Variants in WIPF3 observed in about 807,000 individuals in gnomAD.
WIPF3 encodes WAS/WASL interacting protein family member 3, also known as WAS/WASL-interacting protein family member 3.
Under a neutral mutation model 38.9 loss-of-function variants are expected in WIPF3, and 33 were observed. The observed-to-expected ratio is 0.85, with a 90% CI of 0.64 to 1.14. WIPF3 has a LOEUF of 1.14. Ranked by LOEUF, WIPF3 falls within the 50% of genes most tolerant of loss-of-function variation. WIPF3 has a pLI of 0.00. For missense variants in WIPF3, 711 were observed against 652.5 expected, an observed-to-expected ratio of 1.09 and a Z score of -0.98; for synonymous variants, 324 against 269.3, an observed-to-expected ratio of 1.20 and a Z score of -1.99.
At chr7:29,884,940 GA>G (rs1785841382) in intron 5 of WIPF3, among the ~76,000 whole-genome samples, 3 of 152,214 alleles carry the variant, frequency 2.0e-5, no homozygotes, top group Admixed American at 1.3e-4. Flanking sequence ...CAGTGAGCTT[GA>G]GAGGGATTAT....
At chr7:29,867,469 T>C (rs936255827) in intron 2 of WIPF3, among the ~76,000 whole-genome samples, 5 of 152,078 alleles carry the variant, frequency 3.3e-5, no homozygotes, top group Non-Finnish European at 7.4e-5. Flanking sequence ...ATAGAAGATA[T>C]GAAACCTCAC....
rs555494528 is a variant in WIPF3, at chr7:29,836,649, T to G, written c.90+1835T>G. ...TACGAGAACTAAATGAAATGTGTTA[T>G]GTCATACTGTTAATTAAAAATTGCA... On this transcript the variant is annotated intron_variant, in intron 2 of 8. Transcript: ENST00000242140. Among the ~76,000 whole-genome samples the G allele has an allele frequency of 7.2e-5, 11 of 152,374 alleles. No individual in the cohort carries two copies. The East Asian group carries it at 2.1e-3, about 29-fold the overall frequency.
intron 3 of WIPF3, 130 bp downstream of exon 3, chr7:29,876,092 C>A (rs1785591534): frequency 1.6e-6 from 2 of 1,289,744 alleles, no homozygotes; most frequent in Admixed American, 5.2e-5. Context: ...CAGACCTGCT[C>A]ATTGGACAGG....
At chr7:29,833,811 A>G (rs1479457712) in intron 1 of WIPF3, among the ~76,000 whole-genome samples, 1 of 152,190 alleles carries the variant, frequency 6.6e-6, no homozygotes, top group Non-Finnish European at 1.5e-5. Context: ...GTTCTTATAT[A>G]GGTTTTTCCA....
chr7:29,832,383 A>G (rs1275140832), intron 1 of WIPF3, among the ~76,000 whole-genome samples: 2 of 152,150 alleles, frequency 1.3e-5, no homozygotes, highest in Admixed American at 1.3e-4. Flanking sequence ...GTCTAACCCT[A>G]TGTCATTGTG....
intron 2 of WIPF3, among the ~76,000 whole-genome samples, chr7:29,835,434 A>G (rs1332847342): frequency 2.0e-5 from 3 of 152,084 alleles, no homozygotes; most frequent in Non-Finnish European, 2.9e-5. Context: ...CACCACTGAC[A>G]TTTGGGGTGA....
intron 2 of WIPF3, among the ~76,000 whole-genome samples, chr7:29,848,286 A>G (rs73686247): frequency 0.025 from 3,772 of 152,288 alleles, 136 homozygotes; most frequent in African/African-American, 0.077. Flanking sequence ...GCTCCATTCA[A>G]ACATTTTAAA....
At chr7:29,892,419 T>A (rs1786042725) in intron 7 of WIPF3, among the ~76,000 whole-genome samples, 1 of 152,226 alleles carries the variant, frequency 6.6e-6, no homozygotes. Flanking sequence ...GTGTCCTGCC[T>A]AAGGCATTGG....
chr7:29,812,904 A>G (rs1784401471), intron 1 of WIPF3, among the ~76,000 whole-genome samples: 1 of 152,200 alleles, frequency 6.6e-6, no homozygotes, highest in Admixed American at 6.5e-5. Context: ...AATGAAATGC[A>G]CCCAACTGCC....
At chr7:29,896,977 G>T (rs1786158187) in intron 7 of WIPF3, among the ~76,000 whole-genome samples, 1 of 152,064 alleles carries the variant, frequency 6.6e-6, no homozygotes, top group Non-Finnish European at 1.5e-5. Flanking sequence ...CCCAAGTCCT[G>T]AACAACTCCC....
chr7:29,890,033 G>A (rs1017624430), intron 7 of WIPF3, among the ~76,000 whole-genome samples: 9 of 152,184 alleles, frequency 5.9e-5, no homozygotes, highest in African/African-American at 1.9e-4. Flanking sequence ...CTTTAAGAGA[G>A]GACATTTAAC....
Position 29,902,269 on chromosome 7 carries a change from TTCTTC to T in WIPF3, c.1352-2015_1352-2011del, listed in dbSNP as rs1387639896. Among the ~76,000 whole-genome samples, 36 of 63,284 alleles carry T rather than the reference TTCTTC, an allele frequency of 5.7e-4. 1 individual carries two copies. The highest frequency in any genetic ancestry group is 1.1e-3 in the East Asian group (2 of 1,892). 41.5% of individuals were successfully genotyped at this position (63,284 alleles called of 152,430 possible). ...GTATATTAGTGTTTTCTTCTTCTTC[TTCTTC>T]TTTTTTTTTTTTTTTTACTTTTTGC... On this transcript the variant is annotated intron_variant, in intron 7 of 8. Coordinates refer to ENST00000242140, the MANE Select transcript of WIPF3 (RefSeq NM_001080529.3).
At chr7:29,838,141 A>G (rs1362474140) in intron 2 of WIPF3, among the ~76,000 whole-genome samples, 1 of 152,072 alleles carries the variant, frequency 6.6e-6, no homozygotes, top group African/African-American at 2.4e-5. Context: ...GATGGTCTTG[A>G]TCTCCTGACT....
chr7:29,882,996 G>A (rs1461916187), intron 4 of WIPF3, among the ~76,000 whole-genome samples: 8 of 152,142 alleles, frequency 5.3e-5, no homozygotes, highest in East Asian at 1.9e-4. Flanking sequence ...GAGGCAGAGC[G>A]AAAAAAGGGT....
At chr7:29,830,123 C>T (rs1290306470) in intron 1 of WIPF3, among the ~76,000 whole-genome samples, 2 of 151,434 alleles carry the variant, frequency 1.3e-5, no homozygotes, top group African/African-American at 4.9e-5. Context: ...CCTTTCACAG[C>T]CATCAAACAC....
chr7:29,837,564 T>G (rs1255079876), intron 2 of WIPF3, among the ~76,000 whole-genome samples: 1 of 152,214 alleles, frequency 6.6e-6, no homozygotes, highest in Non-Finnish European at 1.5e-5. Flanking sequence ...TTGAATTCTC[T>G]CCTTCATTTC....
Position 29,823,352 on chromosome 7 carries a change from C to A in WIPF3, c.-57-11316C>A, listed in dbSNP as rs559732769. On this transcript the variant is annotated intron_variant, in intron 1 of 8. Transcript: ENST00000242140. The surrounding 1 kb of genome is among the most constrained non-coding windows in gnomAD (Gnocchi z 4.0). ...TTTCGGCTCACTGCAACCTCCGTCT[C>A]CTGGGAGAACCCAACATTCAGAATA... Among the ~76,000 whole-genome samples the A allele has an allele frequency of 6.6e-6, 1 of 152,284 alleles. No homozygotes were observed. Among genetic ancestry groups the A allele is most frequent in the Non-Finnish European group, 1.5e-5 (1 of 68,024 alleles).
At chr7:29,877,664 G>A (rs536182917) in intron 3 of WIPF3, among the ~76,000 whole-genome samples, 10 of 152,256 alleles carry the variant, frequency 6.6e-5, no homozygotes, top group South Asian at 2.1e-4. Flanking sequence ...AGGCTGAGAC[G>A]GTGACACCTT....
At chr7:29,814,964 G>C (rs1784434476) in intron 1 of WIPF3, among the ~76,000 whole-genome samples, 1 of 152,116 alleles carries the variant, frequency 6.6e-6, no homozygotes, top group East Asian at 1.9e-4. Context: ...TCACATGGTA[G>C]AACCAAGGAA....
Sources: allele counts gnomAD v4.1 joint callset (sites outside exome capture counted in the v4.1 genomes callset), GRCh38; gene constraint gnomAD v4.1.1; non-coding constraint Gnocchi (gnomAD v3.1); transcripts MANE v1.5; gene names NCBI Gene and HGNC (gene_info 2026-07-23, HGNC 2026-07-21).